Variants in MIS18A observed in about 807,000 individuals in gnomAD.
MIS18A encodes protein Mis18-alpha.
MIS18A carries 14 observed loss-of-function variants against 25.0 expected under a neutral mutation model. The ratio of observed to expected loss-of-function variants is 0.56; its 90% CI spans 0.37 to 0.88. MIS18A has a LOEUF of 0.88. MIS18A is among the 40% of genes least tolerant of loss of function. The pLI is 0.00. For synonymous variants in MIS18A, 134 were observed against 118.6 expected, an observed-to-expected ratio of 1.13 and a Z score of -0.84; for missense variants, 292 against 290.8, an observed-to-expected ratio of 1.00 and a Z score of -0.03.
chr21:32,252,580 GA>G, the MIS18A span, among the ~76,000 whole-genome samples: 2 of 152,150 alleles, frequency 1.3e-5, no homozygotes. Flanking sequence ...TGCTTCTGAA[GA>G]ATGAGTGTAC....
intron 2 of MIS18A, among the ~76,000 whole-genome samples, chr21:32,273,656 C>G (rs2031754740): frequency 6.6e-6 from 1 of 152,092 alleles, no homozygotes; most frequent in Non-Finnish European, 1.5e-5. Flanking sequence ...GAAATGGTAG[C>G]TCCTAATGTG....
chr21:32,179,752 T>C, the MIS18A span, among the ~76,000 whole-genome samples: 1 of 152,230 alleles, frequency 6.6e-6, no homozygotes. Flanking sequence ...AGCCCATTGT[T>C]GGGTCAAATG....
At chr21:32,175,894 TTC>T in the MIS18A span, among the ~76,000 whole-genome samples, 5 of 152,180 alleles carry the variant, frequency 3.3e-5, no homozygotes, top group Admixed American at 1.3e-4. Context: ...CCATATGCCT[TTC>T]TGTTTTAATT....
chr21:32,248,026 T>C, the MIS18A span, among the ~76,000 whole-genome samples: 1 of 152,150 alleles, frequency 6.6e-6, no homozygotes, highest in African/African-American at 2.4e-5. Flanking sequence ...AGAGCTTTGT[T>C]AGTGGAGACT....
the MIS18A span, among the ~76,000 whole-genome samples, chr21:32,212,409 T>C: frequency 6.6e-6 from 1 of 152,046 alleles, no homozygotes; most frequent in Non-Finnish European, 1.5e-5. Flanking sequence ...GCTGCAAGGG[T>C]CTACATTTTA....
chr21:32,157,919 T>C, the MIS18A span, among the ~76,000 whole-genome samples: 1 of 152,182 alleles, frequency 6.6e-6, no homozygotes, highest in Non-Finnish European at 1.5e-5. Context: ...GAACATGACT[T>C]TGAGAATTTT....
chr21:32,269,539 A>G (rs2123463078), intron 4 of MIS18A, 168 bp downstream of exon 4: 1 of 552,552 alleles, frequency 1.8e-6, no homozygotes, highest in Non-Finnish European at 3.2e-6. Flanking sequence ...ATTAAGCTTT[A>G]GCTTTTGAGT....
At chr21:32,186,924 C>G in the MIS18A span, among the ~76,000 whole-genome samples, 2 of 152,112 alleles carry the variant, frequency 1.3e-5, no homozygotes, top group African/African-American at 4.8e-5. Flanking sequence ...CACAATGCAG[C>G]TGAATGATTG....
chr21:32,195,042 A>T, the MIS18A span, among the ~76,000 whole-genome samples: 1 of 152,254 alleles, frequency 6.6e-6, no homozygotes, highest in African/African-American at 2.4e-5. Flanking sequence ...AACCCATTTA[A>T]GAGTTTTAAA....
chr21:32,157,805 A>T, the MIS18A span, among the ~76,000 whole-genome samples: 1 of 152,176 alleles, frequency 6.6e-6, no homozygotes, highest in African/African-American at 2.4e-5. Flanking sequence ...GAGAATTGAT[A>T]CTATGTTTAT....
chr21:32,176,899 G>A, the MIS18A span, among the ~76,000 whole-genome samples: 1 of 152,074 alleles, frequency 6.6e-6, no homozygotes, highest in Non-Finnish European at 1.5e-5. Context: ...CATTTTATGA[G>A]GATGAAATAA....
the MIS18A span, among the ~76,000 whole-genome samples, chr21:32,255,350 C>T: frequency 9.9e-5 from 15 of 151,804 alleles, no homozygotes; most frequent in Admixed American, 5.2e-4. Flanking sequence ...CCTGCCTCAG[C>T]GTCCTGAGTA....
At chr21:32,233,989 T>G in the MIS18A span, among the ~76,000 whole-genome samples, 1 of 152,106 alleles carries the variant, frequency 6.6e-6, no homozygotes, top group Non-Finnish European at 1.5e-5. Context: ...GACTACTAAA[T>G]GTAATGCAGT....
At chr21:32,239,884 G>T in the MIS18A span, among the ~76,000 whole-genome samples, 1 of 152,194 alleles carries the variant, frequency 6.6e-6, no homozygotes, top group Non-Finnish European at 1.5e-5. Context: ...ATCTTTGGTG[G>T]TTTCAAAGAA....
At chr21:32,164,067 T>C in the MIS18A span, among the ~76,000 whole-genome samples, 1 of 152,114 alleles carries the variant, frequency 6.6e-6, no homozygotes, top group Non-Finnish European at 1.5e-5. Context: ...AACTCATTCA[T>C]TACCATGTGA....
the MIS18A span, among the ~76,000 whole-genome samples, chr21:32,217,403 A>AC: frequency 6.6e-6 from 1 of 152,188 alleles, no homozygotes; most frequent in African/African-American, 2.4e-5. Flanking sequence ...GAAACAACAT[A>AC]CTTGAAAATA....
At chr21:32,245,556 G>T in the MIS18A span, among the ~76,000 whole-genome samples, 1 of 152,176 alleles carries the variant, frequency 6.6e-6, no homozygotes, top group Non-Finnish European at 1.5e-5. Flanking sequence ...TGGGAAGGAG[G>T]CAGCCAGGGA....
Position 32,278,940 on chromosome 21 carries a change from G to C in MIS18A, c.75C>G (p.Cys25Trp). Residue 25 changes from cysteine to tryptophan, a missense_variant, in exon 1 of 5, where the codon TGC becomes TGG. Transcript: ENST00000290130. ...TCTTGCCCAACAGCGAGGAGTCGCT[G>C]CATTTGCCCTTGTCGCCGCACTCAC... ...GGCECGDKGKCSDSSLLGKRL... is the reference protein window; with the variant it reads ...GGCECGDKGKWSDSSLLGKRL... The C allele has an allele frequency of 6.2e-7, 1 of 1,613,342 alleles. No homozygotes were observed. The highest frequency in any genetic ancestry group is 8.5e-7 in the Non-Finnish European group (1 of 1,180,018).
At chr21:32,275,134 G>A (rs181000801) in intron 1 of MIS18A, among the ~76,000 whole-genome samples, 1 of 152,284 alleles carries the variant, frequency 6.6e-6, no homozygotes, top group Admixed American at 6.5e-5. Flanking sequence ...AACCCTTTGG[G>A]AGGCCAAGGT....
Sources: allele counts gnomAD v4.1 joint callset (sites outside exome capture counted in the v4.1 genomes callset), GRCh38; gene constraint gnomAD v4.1.1; transcripts MANE v1.5; gene names NCBI Gene and HGNC (gene_info 2026-07-23, HGNC 2026-07-21).